NETO2: variants seen among roughly 807,000 people sequenced by gnomAD.
NETO2 encodes neuropilin and tolloid-like protein 2.
A neutral mutation model predicts 62.5 loss-of-function variants in NETO2; 28 were observed. The observed-to-expected ratio is 0.45, with a 90% confidence interval of 0.33 to 0.61. The LOEUF is 0.61. Ranked by LOEUF, NETO2 falls within the 20% of genes least tolerant of loss-of-function variation. The pLI, the probability that NETO2 is intolerant of heterozygous loss-of-function variation, is 0.02. For synonymous variants in NETO2, 214 were observed against 219.1 expected (o/e 0.98, Z 0.21); for missense variants, 548 against 643.2 (o/e 0.85, Z 1.60).
At chr16:47,131,153 C>T (rs1210621333) in intron 2 of NETO2, among the ~76,000 whole-genome samples, 1 of 151,204 alleles carries the variant, frequency 6.6e-6, no homozygotes, top group Non-Finnish European at 1.5e-5. Flanking sequence ...ACTGAGTTAA[C>T]CAGAATTATG....
rs944407108 is a variant in NETO2 at position 47,110,656 on chromosome 16, G to A, written c.655-945C>T. Among the ~76,000 whole-genome samples the A allele has an allele frequency of 5.3e-5, 8 of 152,138 alleles. No homozygotes were observed. In the East Asian group the frequency reaches 1.5e-3, roughly 29 times the overall value. On this transcript the variant is annotated intron_variant, in intron 6 of 8. Transcript: ENST00000562435. ...TGACTCTATCATTAAAATAAAATTT[G>A]AGTGAGTGAATAAAGATTACCTTTG...
At chr16:47,117,145 G>A (rs893966418) in intron 6 of NETO2, among the ~76,000 whole-genome samples, 1 of 152,044 alleles carries the variant, frequency 6.6e-6, no homozygotes, top group Non-Finnish European at 1.5e-5. Context: ...AAGAAGTCTT[G>A]CATCACAGTT....
chr16:47,085,115 TACC>T (rs1963157444), intron 8 of NETO2, among the ~76,000 whole-genome samples: 2 of 152,152 alleles, frequency 1.3e-5, no homozygotes, highest in African/African-American at 4.8e-5. Flanking sequence ...ATTCAACCAT[TACC>T]ACAAGCTGCA....
chr16:47,102,593 A>G (rs892636679), intron 7 of NETO2, among the ~76,000 whole-genome samples: 10 of 124,526 alleles, frequency 8.0e-5, no homozygotes, highest in East Asian at 2.1e-4. Context: ...AATTTACAAG[A>G]AAAAAAAAAA....
chr16:47,124,158 CTTTTT>C (rs1042396896), intron 4 of NETO2, among the ~76,000 whole-genome samples: 4 of 149,246 alleles, frequency 2.7e-5, no homozygotes, highest in African/African-American at 4.9e-5. Flanking sequence ...ATCTCAGCAA[CTTTTT>C]TTTTTAACTT....
chr16:47,124,589 G>A (rs555671279), intron 4 of NETO2, among the ~76,000 whole-genome samples: 1 of 152,048 alleles, frequency 6.6e-6, no homozygotes, highest in Admixed American at 6.6e-5. Flanking sequence ...ACATGTGTTG[G>A]TTTTCTCTTT....
At chr16:47,086,181 T>C (rs1444663202) in intron 8 of NETO2, 45 bp downstream of exon 8, 1 of 1,033,880 alleles carries the variant, frequency 9.7e-7, no homozygotes, top group Non-Finnish European at 1.5e-6. Flanking sequence ...TGAAGGGCAA[T>C]AGCCACTCTT....
At chr16:47,112,957 C>T (rs1485206652) in intron 6 of NETO2, among the ~76,000 whole-genome samples, 1 of 152,086 alleles carries the variant, frequency 6.6e-6, no homozygotes, top group African/African-American at 2.4e-5. Flanking sequence ...ATTTTAAAAC[C>T]TCATACCAAT....
chr16:47,095,954 ATTTAT>A, intron 7 of NETO2, among the ~76,000 whole-genome samples: 1 of 152,208 alleles, frequency 6.6e-6, no homozygotes, highest in Non-Finnish European at 1.5e-5. Context: ...GAAATATAAA[ATTTAT>A]TTTCAAATCA....
At chr16:47,143,269 G>A (rs538834783) in intron 1 of NETO2, among the ~76,000 whole-genome samples, 5 of 152,122 alleles carry the variant, frequency 3.3e-5, no homozygotes, top group Admixed American at 6.5e-5. Context: ...AGCGGCGCGA[G>A]GGCGCAGCCC....
chr16:47,086,976 TA>T (rs1963203040), intron 7 of NETO2, among the ~76,000 whole-genome samples: 1 of 152,120 alleles, frequency 6.6e-6, no homozygotes, highest in African/African-American at 2.4e-5. Context: ...GAAATTATGA[TA>T]CATACAACAT....
chr16:47,136,854 A>G (rs1250450559), intron 1 of NETO2, among the ~76,000 whole-genome samples: 8 of 150,866 alleles, frequency 5.3e-5, no homozygotes, highest in South Asian at 2.1e-4. Flanking sequence ...CTAGATTGGG[A>G]AAAAAAAGGT....
chr16:47,083,262 G>GC lies in NETO2; in HGVS notation c.1536dup (p.Arg513AlafsTer12). ...ATGGATGCTTGTGCAGAATCTTCTC[G>GC]CCCCCTGACATAAATTTCACAGGGA... On this transcript the variant is annotated frameshift_variant, in exon 9 of 9. Transcript: ENST00000562435. LOFTEE classifies it high-confidence loss of function. 4 of 1,613,566 alleles carry GC rather than the reference G, an allele frequency of 2.5e-6. No individual in the cohort carries two copies. Among genetic ancestry groups the GC allele is most frequent in the Non-Finnish European group, 2.5e-6 (3 of 1,179,656 alleles).
At chr16:47,119,994 C>T (rs1438584909) in intron 6 of NETO2, among the ~76,000 whole-genome samples, 2 of 152,176 alleles carry the variant, frequency 1.3e-5, no homozygotes, top group African/African-American at 2.4e-5. Flanking sequence ...CCATTAAGCA[C>T]ATACTGTGTA....
intron 4 of NETO2, among the ~76,000 whole-genome samples, chr16:47,127,468 A>G (rs1346449076): frequency 6.6e-6 from 1 of 152,206 alleles, no homozygotes; most frequent in Non-Finnish European, 1.5e-5. Context: ...TTTTTAAAAG[A>G]GTAAATATTA....
At chr16:47,142,602 A>G (rs150559880) in intron 1 of NETO2, among the ~76,000 whole-genome samples, 19 of 152,338 alleles carry the variant, frequency 1.2e-4, no homozygotes, top group East Asian at 5.8e-4. Flanking sequence ...ACGACATTAC[A>G]AACACGTCAG....
intron 6 of NETO2, among the ~76,000 whole-genome samples, chr16:47,117,014 C>T (rs982076385): frequency 1.3e-5 from 2 of 152,124 alleles, no homozygotes; most frequent in Non-Finnish European, 2.9e-5. Flanking sequence ...AGATATTTAC[C>T]ATTCGTTTCC....
intron 2 of NETO2, among the ~76,000 whole-genome samples, chr16:47,130,856 G>T (rs1247702989): frequency 1.3e-5 from 2 of 152,042 alleles, no homozygotes; most frequent in African/African-American, 4.8e-5. Flanking sequence ...GACCTACAGC[G>T]CCTTAAACAC....
At chr16:47,138,935 C>T (rs1323163948) in intron 1 of NETO2, among the ~76,000 whole-genome samples, 3 of 152,240 alleles carry the variant, frequency 2.0e-5, no homozygotes, top group Admixed American at 6.5e-5. Flanking sequence ...GCTGTGCCTT[C>T]GGCCTAGAAT....
Sources: gnomAD v4.1 joint callset for allele counts (sites outside exome capture counted in the v4.1 genomes callset) on GRCh38, gnomAD v4.1.1 for gene constraint, MANE v1.5 for transcripts, NCBI Gene and HGNC (gene_info 2026-07-23, HGNC 2026-07-21) for gene names.